Variants in CUBN observed in about 807,000 individuals in gnomAD.
The protein encoded by CUBN is 460 kDa receptor.
Under a neutral mutation model 405.3 loss-of-function variants are expected in CUBN, and 282 were observed. The observed-to-expected ratio is 0.70, with a 90% CI of 0.63 to 0.77. The LOEUF (loss-of-function observed/expected upper bound fraction) is 0.77, where lower values mean the gene tolerates loss of function less well. CUBN is among the 30% of genes least tolerant of loss of function. The pLI, the probability that CUBN is intolerant of heterozygous loss-of-function variation, is 0.00. For synonymous variants in CUBN, 1,684 were observed against 1,617.0 expected (o/e 1.04, Z -0.99); for missense variants, 4,514 against 4,475.2 (o/e 1.01, Z -0.25).
At chr10:17,120,848 T>C (rs1031767607) in intron 6 of CUBN, among the ~76,000 whole-genome samples, 1 of 152,174 alleles carries the variant, frequency 6.6e-6, no homozygotes, top group Non-Finnish European at 1.5e-5. Flanking sequence ...CAAAAGACAG[T>C]GATGATAAAG....
intron 51 of CUBN, among the ~76,000 whole-genome samples, chr10:16,901,909 A>ACACAATATATAG (rs1365115200): frequency 2.2e-5 from 3 of 136,380 alleles, no homozygotes; most frequent in Non-Finnish European, 4.7e-5. Flanking sequence ...ATATATATAT[A>ACACAATATATAG]TATATATATA....
At chr10:17,123,496 C>A (rs1837092978) in intron 5 of CUBN, 92 bp downstream of exon 5, 1 of 1,014,236 alleles carries the variant, frequency 9.9e-7, no homozygotes, top group Non-Finnish European at 1.5e-6. Flanking sequence ...ATCCTAGAAA[C>A]TTTAGATGGA....
In CUBN at chr10:16,913,931, T is replaced by C; in HGVS notation, c.7413A>G (p.Pro2471=). The change falls in exon 48 of 67, where the codon CCA becomes CCG. Residue 2471 remains proline (P), a synonymous_variant. Transcript: ENST00000377833. ...GTFTSPNYPN[P]NPHGRICEWR... ...ACTCGCAGATCCGGCCATGAGGATT[T>C]GGGTTCGGGTAGTTGGGAGAAGTAA... 1.2e-6 allele frequency: 2 copies of C among 1,614,076 alleles called. No homozygotes were observed. Among genetic ancestry groups the C allele is most frequent in the Non-Finnish European group, 1.7e-6 (2 of 1,180,016 alleles).
intron 28 of CUBN, among the ~76,000 whole-genome samples, chr10:17,011,958 A>G (rs963784378): frequency 1.3e-5 from 2 of 152,042 alleles, no homozygotes; most frequent in Admixed American, 6.6e-5. Context: ...GGACACCCCA[A>G]CTGCTGCTGG....
chr10:16,866,792 G>A (rs1389170835), intron 59 of CUBN, among the ~76,000 whole-genome samples: 1 of 152,138 alleles, frequency 6.6e-6, no homozygotes, highest in African/African-American at 2.4e-5. Flanking sequence ...CTTGCCAAAT[G>A]TGCTTTCTCC....
At chr10:17,113,269 C>A (rs1257071868) in intron 8 of CUBN, among the ~76,000 whole-genome samples, 2 of 151,982 alleles carry the variant, frequency 1.3e-5, no homozygotes, top group Middle Eastern at 3.2e-3. Flanking sequence ...TGTCTCAAAA[C>A]AACAACAACA....
intron 54 of CUBN, among the ~76,000 whole-genome samples, chr10:16,893,231 A>G (rs1302648558): frequency 2.0e-5 from 3 of 152,230 alleles, no homozygotes; most frequent in Admixed American, 6.5e-5. Flanking sequence ...ACATAATTGC[A>G]GATTCACATA....
intron 54 of CUBN, among the ~76,000 whole-genome samples, chr10:16,892,468 C>G (rs1841060605): frequency 6.6e-6 from 1 of 151,876 alleles, no homozygotes; most frequent in South Asian, 2.1e-4. Flanking sequence ...CACAATTTAT[C>G]AATAGATAAT....
chr10:17,071,995 A>G (rs369522575), intron 17 of CUBN, 24 bp from the exon 18 acceptor site: 287 of 1,594,196 alleles, frequency 1.8e-4, no homozygotes, highest in Non-Finnish European at 2.2e-4. Flanking sequence ...TAAAATAGAG[A>G]TGTAATTCAA....
At chr10:17,091,637 A>T (rs926622689) in intron 14 of CUBN, among the ~76,000 whole-genome samples, 1 of 152,206 alleles carries the variant, frequency 6.6e-6, no homozygotes, top group African/African-American at 2.4e-5. Context: ...AGAAAGTGCA[A>T]AAGAGGCTTT....
chr10:17,098,657 A>C (rs1047852516), intron 14 of CUBN, among the ~76,000 whole-genome samples: 1 of 152,236 alleles, frequency 6.6e-6, no homozygotes, highest in African/African-American at 2.4e-5. Context: ...ACATGATGTA[A>C]TTATGTACGT....
intron 17 of CUBN, among the ~76,000 whole-genome samples, chr10:17,080,100 G>C (rs550614027): frequency 6.6e-6 from 1 of 152,140 alleles, no homozygotes; most frequent in Non-Finnish European, 1.5e-5. Context: ...CCAGGGAGTT[G>C]AGTTTCATCA....
chr10:17,115,414 G>T, intron 7 of CUBN, 57 bp downstream of exon 7: 1 of 1,609,398 alleles, frequency 6.2e-7, no homozygotes. Context: ...CATAGGAGGA[G>T]GAGGAGCTAC....
rs372725870 is a variant in CUBN at position 17,026,279 on chromosome 10, G to T, written c.4018-6296C>A. On this transcript the variant is annotated intron_variant, in intron 27 of 66. Coordinates refer to ENST00000377833, the MANE Select transcript of CUBN (RefSeq NM_001081.4). ...AACTTGGAACTTTATCCAAGTTCAG[G>T]TTACTTTAAATTTGAAGGGCTTTGA... 3.6e-3 allele frequency among the ~76,000 whole-genome samples: 544 copies of T among 152,282 alleles called. 2 individuals are homozygous for T. The highest frequency in any genetic ancestry group is 6.8e-3 in the Middle Eastern group (2 of 294).
chr10:17,129,026 A>C, intron 2 of CUBN, 95 bp downstream of exon 2: 1 of 940,768 alleles, frequency 1.1e-6, no homozygotes. Context: ...ATAATAATTA[A>C]AAAAGATTCA....
intron 31 of CUBN, among the ~76,000 whole-genome samples, chr10:16,960,981 T>C (rs1843201792): frequency 6.6e-6 from 1 of 152,210 alleles, no homozygotes; most frequent in Non-Finnish European, 1.5e-5. Flanking sequence ...GAACACATGA[T>C]ATATTATGGT....
chr10:16,955,164 A>G (rs1378347979), intron 31 of CUBN, among the ~76,000 whole-genome samples: 1 of 151,638 alleles, frequency 6.6e-6, no homozygotes, highest in African/African-American at 2.4e-5. Flanking sequence ...TGAGGTCAGG[A>G]GTTCAAGACC....
At chr10:17,017,928 G>C (rs1319718145) in intron 28 of CUBN, among the ~76,000 whole-genome samples, 1 of 152,160 alleles carries the variant, frequency 6.6e-6, no homozygotes, top group Admixed American at 6.5e-5. Context: ...GGCAAGTCTT[G>C]CTTGGGTGAC....
intron 31 of CUBN, among the ~76,000 whole-genome samples, chr10:16,955,335 T>TG (rs1332097114): frequency 7.8e-6 from 1 of 128,320 alleles, no homozygotes; most frequent in Non-Finnish European, 1.5e-5. Context: ...ATCCCACCAC[T>TG]GCACTCCAGC....
Sources: allele counts gnomAD v4.1 joint callset (sites outside exome capture counted in the v4.1 genomes callset), GRCh38; gene constraint gnomAD v4.1.1; transcripts MANE v1.5; gene names NCBI Gene and HGNC (gene_info 2026-07-23, HGNC 2026-07-21).